Variants in WWOX observed in about 807,000 individuals in gnomAD.
The protein encoded by WWOX is WW domain-containing oxidoreductase.
Under a neutral mutation model 46.2 loss-of-function variants are expected in WWOX, and 69 were observed. That is an observed-to-expected ratio of 1.49 (90% confidence interval 1.23 to 1.82). The LOEUF is 1.82. Among genes scored for constraint, WWOX ranks in the 40% most tolerant of loss-of-function variants. WWOX has a pLI of 0.00. For missense variants in WWOX, 919 were observed against 542.6 expected (o/e 1.69, Z -6.89); for synonymous variants, 359 against 202.6 (o/e 1.77, Z -6.56).
intron 1 of WWOX, among the ~76,000 whole-genome samples, chr16:78,108,171 TCC>T (rs779271914): frequency 4.0e-5 from 6 of 150,840 alleles, no homozygotes; most frequent in Non-Finnish European, 8.8e-5. Flanking sequence ...TGTGATCTGC[TCC>T]CCTAGGGCTC....
At chr16:79,113,132 C>G (rs556429060) in intron 8 of WWOX, among the ~76,000 whole-genome samples, 18 of 152,278 alleles carry the variant, frequency 1.2e-4, no homozygotes, top group Non-Finnish European at 2.5e-4. Context: ...TGTGTAATTA[C>G]ACGTTGTGAT....
chr16:79,057,261 T>G (rs9319534), intron 8 of WWOX, among the ~76,000 whole-genome samples: 92,407 of 152,048 alleles, frequency 0.61, 28,734 homozygotes, highest in African/African-American at 0.72. Context: ...AATGGCAAAC[T>G]TATGTTTATT....
intron 5 of WWOX, among the ~76,000 whole-genome samples, chr16:78,349,581 C>A (rs934294217): frequency 8.3e-6 from 1 of 120,456 alleles, no homozygotes; most frequent in Non-Finnish European, 2.0e-5. Flanking sequence ...GTGCTGCAGG[C>A]CACCTTCACA....
intron 8 of WWOX, among the ~76,000 whole-genome samples, chr16:78,824,201 T>G (rs940333537): frequency 6.6e-6 from 1 of 152,240 alleles, no homozygotes; most frequent in African/African-American, 2.4e-5. Flanking sequence ...CTCATTTTGC[T>G]TTTTATAAAC....
intron 5 of WWOX, among the ~76,000 whole-genome samples, chr16:78,251,853 G>A (rs2037992841): frequency 1.3e-5 from 2 of 152,198 alleles, no homozygotes; most frequent in African/African-American, 2.4e-5. Flanking sequence ...TAATGGGGAA[G>A]GAAGGTTTTG....
chr16:78,902,250 C>G (rs925427676), intron 8 of WWOX, among the ~76,000 whole-genome samples: 2 of 152,186 alleles, frequency 1.3e-5, no homozygotes, highest in Admixed American at 1.3e-4. Flanking sequence ...TACTTTGCCA[C>G]CAAACCCCAC....
At chr16:78,195,836 A>G (rs1296682608) in intron 5 of WWOX, among the ~76,000 whole-genome samples, 17 of 150,460 alleles carry the variant, frequency 1.1e-4, no homozygotes, top group Admixed American at 7.9e-4. Context: ...AAAAAAAAAA[A>G]AAAAGAAAAA....
intron 8 of WWOX, among the ~76,000 whole-genome samples, chr16:78,901,039 C>G (rs2044819229): frequency 6.6e-6 from 1 of 152,188 alleles, no homozygotes; most frequent in Non-Finnish European, 1.5e-5. Context: ...GACCACTGCT[C>G]TCTTTTCAGA....
intron 8 of WWOX, among the ~76,000 whole-genome samples, chr16:78,666,412 C>A (rs187834618): frequency 6.6e-4 from 101 of 152,352 alleles, no homozygotes; most frequent in African/African-American, 2.4e-3. Context: ...CACATCAGAA[C>A]AACCCAAGCC....
chr16:79,109,460 C>T (rs1052205119), intron 8 of WWOX, among the ~76,000 whole-genome samples: 5 of 151,962 alleles, frequency 3.3e-5, no homozygotes, highest in African/African-American at 1.2e-4. Flanking sequence ...AAGAGAGAGC[C>T]GGGCAGGTTG....
chr16:78,348,804 C>T (rs1296661603), intron 5 of WWOX, among the ~76,000 whole-genome samples: 2 of 120,336 alleles, frequency 1.7e-5, no homozygotes, highest in African/African-American at 5.6e-5. Context: ...GGTCAGGTAG[C>T]TATAAGCAAA....
At chr16:78,553,106 A>C (rs970840822) in intron 8 of WWOX, 1 of 152,134 alleles carries the variant, frequency 6.6e-6, no homozygotes, top group Non-Finnish European at 1.5e-5. Context: ...GAGGGAAACA[A>C]CACACACTGG....
chr16:79,147,279 C>G (rs149960152), intron 8 of WWOX, among the ~76,000 whole-genome samples: 1 of 152,330 alleles, frequency 6.6e-6, no homozygotes, highest in Non-Finnish European at 1.5e-5. Context: ...TGACCCCTGG[C>G]AACCACTAAA....
intron 8 of WWOX, among the ~76,000 whole-genome samples, chr16:78,727,036 T>C (rs7191486): frequency 0.66 from 101,058 of 152,120 alleles, 35,343 homozygotes; most frequent in African/African-American, 0.9. Context: ...AGTTGCCTTA[T>C]TCCAGCACGT....
intron 8 of WWOX, among the ~76,000 whole-genome samples, chr16:78,475,257 T>C (rs1887447930): frequency 2.0e-5 from 3 of 152,228 alleles, no homozygotes. Context: ...TGCTTCTTCA[T>C]CTTTATCTTC....
intron 1 of WWOX, among the ~76,000 whole-genome samples, chr16:78,101,940 C>T (rs1332516285): frequency 1.3e-5 from 2 of 152,140 alleles, no homozygotes; most frequent in African/African-American, 4.8e-5. Context: ...GTGTGTCTGG[C>T]ATGAGGTGTG....
At chr16:78,701,713 C>T (rs891496438) in intron 8 of WWOX, among the ~76,000 whole-genome samples, 1 of 152,010 alleles carries the variant, frequency 6.6e-6, no homozygotes. Flanking sequence ...GGCAGGCCCT[C>T]AAAGCTGGGA....
Position 78,370,730 on chromosome 16 carries a change from A to C in WWOX, c.517-16130A>C, listed in dbSNP as rs544578951. 2.3e-3 allele frequency among the ~76,000 whole-genome samples: 321 copies of C among 139,154 alleles called. 1 individual carries two copies. Among genetic ancestry groups the C allele is most frequent in the Admixed American group, 8.7e-3 (121 of 13,920 alleles). 91.3% of individuals were successfully genotyped at this position (139,154 alleles called of 152,430 possible). ...CAATTCTGGTCTTCACCATCTGCCAATGTGAGTTTTAGTTTCTCTATAAAC... is the reference window on the plus strand; with the variant it reads ...CAATTCTGGTCTTCACCATCTGCCACTGTGAGTTTTAGTTTCTCTATAAAC... On this transcript the variant is annotated intron_variant, in intron 5 of 8. Coordinates refer to ENST00000566780, the MANE Select transcript of WWOX (RefSeq NM_016373.4).
At chr16:78,615,545 C>G (rs775592465) in intron 8 of WWOX, among the ~76,000 whole-genome samples, 1 of 151,856 alleles carries the variant, frequency 6.6e-6, no homozygotes, top group Non-Finnish European at 1.5e-5. Flanking sequence ...CTGCTTGGGA[C>G]TACTAGAAAG....
Sources: allele counts gnomAD v4.1 joint callset (sites outside exome capture counted in the v4.1 genomes callset), GRCh38; gene constraint gnomAD v4.1.1; transcripts MANE v1.5; gene names NCBI Gene and HGNC (gene_info 2026-07-23, HGNC 2026-07-21).